The following RNF6 variants were observed in gnomAD, a reference collection of about 807,000 sequenced individuals.
RNF6 encodes ring finger protein 6, also known as E3 ubiquitin-protein ligase RNF6.
In RNF6, 21 loss-of-function variants were observed where a neutral mutation model predicts 50.1. The ratio of observed to expected loss-of-function variants is 0.42; its 90% CI spans 0.30 to 0.60. The LOEUF (loss-of-function observed/expected upper bound fraction) is 0.60. RNF6 is among the 20% of genes least tolerant of loss of function. The pLI is 0.20. For synonymous variants in RNF6, 255 were observed against 291.8 expected (o/e 0.87, Z 1.29); for missense variants, 698 against 838.2 (o/e 0.83, Z 2.07).
At chr13:26,169,809 A>G (rs1390601155) in intron 5 of RNF6, among the ~76,000 whole-genome samples, 3 of 152,198 alleles carry the variant, frequency 2.0e-5, no homozygotes, top group Admixed American at 1.3e-4. Context: ...GGTAAAGCCA[A>G]TTAGCAAATA....
chr13:26,157,642 G>A (rs766512797), intron 5 of RNF6, among the ~76,000 whole-genome samples: 1 of 152,130 alleles, frequency 6.6e-6, no homozygotes, highest in Non-Finnish European at 1.5e-5. Context: ...TCAAAGAAGT[G>A]AAAACAAACA....
At chr13:26,152,480 A>T (rs1871672418) in intron 5 of RNF6, among the ~76,000 whole-genome samples, 1 of 152,196 alleles carries the variant, frequency 6.6e-6, no homozygotes, top group Admixed American at 6.5e-5. Flanking sequence ...TTCCTTCAGC[A>T]CTTTATAAAT....
At chr13:26,137,636 T>A (rs1870718898) in intron 5 of RNF6, among the ~76,000 whole-genome samples, 1 of 130,118 alleles carries the variant, frequency 7.7e-6, no homozygotes, top group Non-Finnish European at 1.6e-5. Context: ...AGAATATCAA[T>A]AAAGAGATAG....
At position 26,173,949 on chromosome 13, in the gene RNF6, C is replaced by CAAAA. The variant is rs10674426; in HGVS notation, n.769-41502_769-41499dup. Among the ~76,000 whole-genome samples, 226 of 117,758 alleles carry CAAAA rather than the reference C, an allele frequency of 1.9e-3. 6 individuals carry two copies. Among genetic ancestry groups the CAAAA allele is most frequent in the African/African-American group, 3.9e-3 (121 of 30,642 alleles). The allele number at this position is 117,758 out of a possible 152,430, so 77.3% of individuals were successfully genotyped here. ...CTGGCAACAGAGCGAGACTCCGTCT[C>CAAAA]AAAAAAAAAAAAAAAAGCAAAGAAA... On this transcript the variant is annotated intron_variant and non_coding_transcript_variant, in intron 5 of 5. Transcript: ENST00000468480.
At chr13:26,155,587 G>C (rs1334130271) in intron 5 of RNF6, among the ~76,000 whole-genome samples, 1 of 152,172 alleles carries the variant, frequency 6.6e-6, no homozygotes, top group Non-Finnish European at 1.5e-5. Flanking sequence ...TCAAGGGAAG[G>C]CCCGTGTCCC....
At chr13:26,159,469 C>CA (rs1287526330) in intron 5 of RNF6, among the ~76,000 whole-genome samples, 1 of 151,730 alleles carries the variant, frequency 6.6e-6, no homozygotes, top group Non-Finnish European at 1.5e-5. Context: ...CTAAAAAATA[C>CA]AAAAAATTAA....
intron 3 of RNF6, among the ~76,000 whole-genome samples, 191 bp from the exon 4 acceptor site, chr13:26,218,797 A>C (rs1376775164): frequency 1.3e-5 from 2 of 152,236 alleles, no homozygotes; most frequent in Non-Finnish European, 1.5e-5. Flanking sequence ...TGCTTCATTT[A>C]TTAATCTTTT....
In RNF6 at chr13:26,215,100, T is replaced by C; in HGVS notation, c.782A>G (p.Gln261Arg). 1 of 1,614,176 alleles carries C rather than the reference T, an allele frequency of 6.2e-7. No homozygotes were observed. Among genetic ancestry groups the C allele is most frequent in the Non-Finnish European group, 8.5e-7 (1 of 1,180,038 alleles). Residue 261 changes from glutamine (Q) to arginine (R), a missense_variant, in exon 5 of 5, where the codon CAA becomes CGA. Coordinates refer to ENST00000381588, the MANE Select transcript of RNF6 (RefSeq NM_005977.4). ...SRTNFSSHTN[Q>R]SGGSELRQRE... is the part of the protein sequence containing the mutation. ...TTGCCTGAGTTCACTACCACCTGAT[T>C]GGTTTGTGTGACTACTGAAATTAGT... is the stretch of plus-strand genomic sequence containing the variant.
chr13:26,217,034 G>C (rs1208496763), intron 4 of RNF6, among the ~76,000 whole-genome samples: 2 of 152,098 alleles, frequency 1.3e-5, no homozygotes, highest in African/African-American at 4.8e-5. Context: ...AATCTCTCTC[G>C]TAAGACTTTT....
At chr13:26,143,446 A>G (rs1192964426) in intron 5 of RNF6, among the ~76,000 whole-genome samples, 4 of 152,188 alleles carry the variant, frequency 2.6e-5, no homozygotes, top group African/African-American at 9.6e-5. Context: ...TAGTGGAATC[A>G]TTGTTATGCC....
At chr13:26,220,885 T>A (rs1171779709) in intron 2 of RNF6, among the ~76,000 whole-genome samples, 1 of 152,216 alleles carries the variant, frequency 6.6e-6, no homozygotes, top group Non-Finnish European at 1.5e-5. Context: ...AGCCTACAAG[T>A]CTAAAATACT....
intron 5 of RNF6, among the ~76,000 whole-genome samples, chr13:26,178,784 C>T (rs997532938): frequency 6.6e-6 from 1 of 152,072 alleles, no homozygotes; most frequent in African/African-American, 2.4e-5. Flanking sequence ...CAATATCTCC[C>T]CATTTTCCCC....
At chr13:26,141,768 T>A (rs1233040868) in intron 5 of RNF6, among the ~76,000 whole-genome samples, 1 of 152,086 alleles carries the variant, frequency 6.6e-6, no homozygotes. Flanking sequence ...AACCTGAAAC[T>A]ATAAAAATTC....
chr13:26,172,934 TA>T (rs199684096), intron 5 of RNF6, among the ~76,000 whole-genome samples: 12 of 150,724 alleles, frequency 8.0e-5, no homozygotes, highest in Middle Eastern at 3.4e-3. Flanking sequence ...TAGAAATTAC[TA>T]AAAAAAAATA....
rs541759520 is a variant in RNF6, at chr13:26,203,570, A to G, written n.768+11904T>C. 1.7e-4 allele frequency among the ~76,000 whole-genome samples: 26 copies of G among 152,350 alleles called. No homozygotes were observed. In the South Asian group the frequency reaches 5.4e-3, roughly 32 times the overall value. Reference sequence around the variant, plus strand: ...CTCAGGCCCAGGCCATGCTTCCCCCAGGCAGCTCCTAGCAGTGACTACGCA... The same window carrying G: ...CTCAGGCCCAGGCCATGCTTCCCCCGGGCAGCTCCTAGCAGTGACTACGCA... On this transcript the variant is annotated intron_variant and non_coding_transcript_variant, in intron 5 of 5. Transcript: ENST00000468480.
At chr13:26,193,525 G>A (rs1392096651) in intron 5 of RNF6, among the ~76,000 whole-genome samples, 1 of 152,182 alleles carries the variant, frequency 6.6e-6, no homozygotes, top group Non-Finnish European at 1.5e-5. Context: ...TAGACTGGTG[G>A]GGTCTAAAGC....
In RNF6 at chr13:26,158,829, T is replaced by C. The variant is rs530480747; in HGVS notation, n.769-26378A>G. ...TTTTGTGTTTGCCTTTTTTGTTTGT[T>C]TCAAGTTTTTTTCCCCATTATTCTG... On this transcript the variant is annotated intron_variant and non_coding_transcript_variant, in intron 5 of 5. Transcript: ENST00000468480. Among the ~76,000 whole-genome samples, 132 of 152,272 alleles carry C rather than the reference T, an allele frequency of 8.7e-4. 1 individual carries two copies. The highest frequency in any genetic ancestry group is 2.9e-3 in the African/African-American group (121 of 41,578).
intron 5 of RNF6, among the ~76,000 whole-genome samples, chr13:26,162,611 G>A (rs909244232): frequency 1.3e-5 from 2 of 152,154 alleles, no homozygotes; most frequent in African/African-American, 4.8e-5. Context: ...TTCCTCAATG[G>A]ATGAGAATAC....
At chr13:26,208,183 G>T (rs1157721785), downstream of RNF6, among the ~76,000 whole-genome samples, 1 of 152,178 alleles carries the variant, frequency 6.6e-6, no homozygotes, top group Non-Finnish European at 1.5e-5. Context: ...TGGCAGCCTG[G>T]AACTGGACTG....
Sources: gnomAD v4.1 joint callset for allele counts (sites outside exome capture counted in the v4.1 genomes callset) on GRCh38, gnomAD v4.1.1 for gene constraint, MANE v1.5 for transcripts, NCBI Gene and HGNC (gene_info 2026-07-23, HGNC 2026-07-21) for gene names.